Variants in DNAH5 observed in about 807,000 individuals in gnomAD.
The protein encoded by DNAH5 is axonemal beta dynein heavy chain 5.
A neutral mutation model predicts 518.2 loss-of-function variants in DNAH5; 372 were observed. The ratio of observed to expected loss-of-function variants is 0.72; its 90% CI spans 0.66 to 0.78. The LOEUF is 0.78. Ranked by LOEUF, DNAH5 falls within the 30% of genes least tolerant of loss-of-function variation. DNAH5 has a pLI of 0.00. For missense variants in DNAH5, 5,523 were observed against 5,687.0 expected, an observed-to-expected ratio of 0.97 and a Z score of 0.93; for synonymous variants, 2,039 against 2,025.9, an observed-to-expected ratio of 1.01 and a Z score of -0.17.
chr5:13,820,531 C>T, intron 40 of DNAH5, 32 bp from the exon 41 acceptor site: 2 of 1,612,220 alleles, frequency 1.2e-6, no homozygotes, highest in Non-Finnish European at 1.7e-6. Context: ...CACATTGAAA[C>T]ACAACAATGA....
At chr5:13,919,695 T>C (rs1244359268) in intron 6 of DNAH5, among the ~76,000 whole-genome samples, 1 of 152,228 alleles carries the variant, frequency 6.6e-6, no homozygotes, top group Admixed American at 6.5e-5. Flanking sequence ...ATTTGTTATA[T>C]ATGTAGAATG....
intron 50 of DNAH5, among the ~76,000 whole-genome samples, chr5:13,790,840 T>A (rs141561268): frequency 4.4e-4 from 67 of 152,164 alleles, no homozygotes; most frequent in African/African-American, 1.5e-3. Flanking sequence ...ACACCACATG[T>A]TCTCACTTAT....
intron 12 of DNAH5, among the ~76,000 whole-genome samples, 199 bp from the exon 13 acceptor site, chr5:13,902,337 G>T (rs2151964405): frequency 6.6e-6 from 1 of 152,290 alleles, no homozygotes; most frequent in African/African-American, 2.4e-5. Flanking sequence ...TCAGCCATGG[G>T]AGTTGGCGCC....
At chr5:13,746,592 A>T (rs1409115720) in intron 65 of DNAH5, among the ~76,000 whole-genome samples, 1 of 152,154 alleles carries the variant, frequency 6.6e-6, no homozygotes, top group Non-Finnish European at 1.5e-5. Context: ...TTTATGGGGT[A>T]GTGACTCTTA....
rs970408067 is a variant in DNAH5 at position 13,753,506 on chromosome 5, T to C, written c.10599A>G (p.Pro3533=). Reference sequence around the variant, plus strand: ...GAAGATCACGAAACTCTTGGTTAAATGGACCAGAATAAGATAGAAAAGCTG... The same window carrying C: ...GAAGATCACGAAACTCTTGGTTAAACGGACCAGAATAAGATAGAAAAGCTG... ...LATAFLSYSG[P]FNQEFRDLLL... The change falls in exon 63 of 79, where the codon CCA becomes CCG. Residue 3533 remains proline, a synonymous_variant. Transcript: ENST00000265104. The C allele has an allele frequency of 2.5e-6, 4 of 1,613,932 alleles. No homozygotes were observed. The African/African-American group carries it at 4.0e-5, about 16-fold the overall frequency.
At chr5:13,705,929 C>T (rs60353784) in intron 76 of DNAH5, among the ~76,000 whole-genome samples, 4,389 of 152,290 alleles carry the variant, frequency 0.029, 207 homozygotes, top group African/African-American at 0.096. Flanking sequence ...GAAGGATGCT[C>T]TTCTAGACAC....
intron 31 of DNAH5, among the ~76,000 whole-genome samples, chr5:13,846,003 T>C (rs1485142724): frequency 3.3e-5 from 5 of 150,226 alleles, no homozygotes; most frequent in Admixed American, 3.3e-4. Flanking sequence ...GCTAATATTT[T>C]TTTTTTTTTT....
intron 75 of DNAH5, 34 bp from the exon 76 acceptor site, chr5:13,708,369 ATTAGCTACTAAGGATT>A (rs776313458): frequency 1.9e-6 from 3 of 1,608,458 alleles, no homozygotes; most frequent in African/African-American, 2.7e-5. Context: ...CATGTTAACA[ATTAGCTACTAAGGATT>A]TTATAGACCT....
intron 27 of DNAH5, among the ~76,000 whole-genome samples, chr5:13,865,429 C>G (rs976466804): frequency 6.6e-6 from 1 of 152,152 alleles, no homozygotes; most frequent in Non-Finnish European, 1.5e-5. Context: ...CAGCTCCCAC[C>G]AAGCTGCAGA....
intron 22 of DNAH5, 52 bp from the exon 23 acceptor site, chr5:13,871,817 A>G: frequency 6.9e-7 from 1 of 1,456,006 alleles, no homozygotes; most frequent in Non-Finnish European, 9.6e-7. Context: ...GAAAGGCACA[A>G]TGATATAAGT....
intron 1 of DNAH5, among the ~76,000 whole-genome samples, chr5:13,956,279 T>C (rs895151592): frequency 2.0e-5 from 3 of 152,214 alleles, no homozygotes; most frequent in African/African-American, 7.2e-5. Context: ...GCTGGGATAT[T>C]TTTTAAAATA....
At chr5:13,869,340 C>G (rs902288417) in intron 24 of DNAH5, among the ~76,000 whole-genome samples, 1 of 151,632 alleles carries the variant, frequency 6.6e-6, no homozygotes, top group Admixed American at 6.6e-5. Flanking sequence ...TTTAATGCTA[C>G]AATTAAACTA....
rs774787080 is a variant in DNAH5 at position 13,901,513 on chromosome 5, C to T, written c.1791G>A (p.Gly597=). 3.1e-6 allele frequency: 5 copies of T among 1,613,524 alleles called. No individual in the cohort carries two copies. In the South Asian group the frequency reaches 5.5e-5, roughly 18 times the overall value. The change falls in exon 14 of 79, where the codon GGG becomes GGA. Residue 597 remains glycine (G), a synonymous_variant. Coordinates refer to ENST00000265104, the MANE Select transcript of DNAH5 (RefSeq NM_001369.3). ...DKYQLILENY[G]ADIDMISKLY... ...GCTTTGAAATCATATCAATGTCAGCCCCATAGTTCTCAAGGATAAGTTGAT... is the reference window on the plus strand; with the variant it reads ...GCTTTGAAATCATATCAATGTCAGCTCCATAGTTCTCAAGGATAAGTTGAT...
intron 31 of DNAH5, among the ~76,000 whole-genome samples, chr5:13,849,198 C>T (rs1245319932): frequency 6.6e-6 from 1 of 152,236 alleles, no homozygotes; most frequent in Non-Finnish European, 1.5e-5. Context: ...GTGAATTTGT[C>T]CTTAACCAGC....
At chr5:13,737,741 A>G (rs1174832607) in intron 65 of DNAH5, among the ~76,000 whole-genome samples, 1 of 151,952 alleles carries the variant, frequency 6.6e-6, no homozygotes, top group East Asian at 1.9e-4. Flanking sequence ...CCTGGTCAAC[A>G]TGGTAAAACC....
intron 53 of DNAH5, 66 bp from the exon 54 acceptor site, chr5:13,777,421 C>A (rs1754268240): frequency 6.8e-7 from 1 of 1,464,770 alleles, no homozygotes; most frequent in East Asian, 2.3e-5. Context: ...AACCTTGTAA[C>A]AACGCATTAT....
chr5:13,734,868 T>G (rs1470936692), intron 68 of DNAH5, among the ~76,000 whole-genome samples: 1 of 152,198 alleles, frequency 6.6e-6, no homozygotes, highest in Non-Finnish European at 1.5e-5. Context: ...TTATTTTTTT[T>G]CTGTACCCTC....
chr5:13,984,019 G>A (rs545234812), intron 1 of DNAH5, among the ~76,000 whole-genome samples: 12 of 152,150 alleles, frequency 7.9e-5, no homozygotes, highest in Non-Finnish European at 1.2e-4. Context: ...ATTTACAAAT[G>A]GAGAGATTAC....
rs770430406 is a variant in DNAH5 at position 13,809,025 on chromosome 5, T to TA, written c.7752+18dup. On this transcript the variant is annotated intron_variant, in intron 46 of 78. Transcript: ENST00000265104. Reference sequence around the variant, plus strand: ...TCCCCTTAAAATATGCTACAGTTAATAAAAATTAAAAGTCATACCTTGCCC... The same window carrying TA: ...TCCCCTTAAAATATGCTACAGTTAATAAAAAATTAAAAGTCATACCTTGCCC... 23 of 1,613,564 alleles carry TA rather than the reference T, an allele frequency of 1.4e-5. No individual in the cohort carries two copies. The highest frequency in any genetic ancestry group is 1.9e-5 in the Non-Finnish European group (23 of 1,179,646).
Sources: allele counts gnomAD v4.1 joint callset (sites outside exome capture counted in the v4.1 genomes callset), GRCh38; gene constraint gnomAD v4.1.1; transcripts MANE v1.5; gene names NCBI Gene and HGNC (gene_info 2026-07-23, HGNC 2026-07-21).